NR2E3: variants seen among roughly 807,000 people sequenced by gnomAD.
NR2E3 encodes nuclear receptor subfamily 2 group E member 3.
NR2E3 carries 38 observed loss-of-function variants against 37.6 expected under a neutral mutation model. The ratio of observed to expected loss-of-function variants is 1.01; its 90% confidence interval spans 0.78 to 1.33. The LOEUF (loss-of-function observed/expected upper bound fraction) is 1.33, where lower values mean the gene tolerates loss of function less well. Among genes scored for constraint, NR2E3 ranks in the 40% most tolerant of loss-of-function variants. The pLI, the probability that NR2E3 is intolerant of heterozygous loss-of-function variation, is 0.00. For synonymous variants in NR2E3, 235 were observed against 225.1 expected (o/e 1.04, Z -0.39); for missense variants, 562 against 558.7 (o/e 1.01, Z -0.06).
In NR2E3 at chr15:71,812,353, G is replaced by A; in HGVS notation, c.589G>A (p.Val197Ile). The A allele has an allele frequency of 1.9e-6, 3 of 1,613,796 alleles. 1 individual carries two copies. The South Asian group carries it at 3.3e-5, about 18-fold the overall frequency. Residue 197 changes from valine (V) to isoleucine (I), a missense_variant, in exon 5 of 8, where the codon GTC becomes ATC. Transcript: ENST00000617575. The part of the protein sequence containing the change: ...EPEDADENID[V>I]TSNDPEFPSS... ...TCCAACAGCTGATGAGAATATTGAT[G>A]TCACCAGCAATGACCCTGAGTTCCC...
In NR2E3 at chr15:71,811,885, GC is replaced by G; in HGVS notation, c.349+19del. The G allele has an allele frequency of 6.4e-7, 1 of 1,550,500 alleles. No homozygotes were observed. The highest frequency in any genetic ancestry group is 8.7e-7 in the Non-Finnish European group (1 of 1,146,704). ...AACCAGGACGGTGAGGCGGGGGCTGGCCCGGGGGGAGGTGACAAGAAATGGG... is the reference window on the plus strand; with the variant it reads ...AACCAGGACGGTGAGGCGGGGGCTGGCCGGGGGGAGGTGACAAGAAATGGG... On this transcript the variant is annotated intron_variant, in intron 3 of 7. Coordinates refer to ENST00000617575, the MANE Select transcript of NR2E3 (RefSeq NM_014249.4). This position sits in a 1 kb window ranked among gnomAD's most constrained non-coding sequence, Gnocchi z 5.6.
chr15:71,810,838 G>A lies in NR2E3; in HGVS notation c.95G>A (p.Trp32Ter), dbSNP rs2054172807. Residue 32 changes from tryptophan to a stop codon, truncating the protein, a stop_gained, in exon 1 of 8, where the codon TGG becomes TAG. Transcript: ENST00000617575. LOFTEE classifies it high-confidence loss of function. Reference protein sequence around the residue: ...AASRKESPGRWGLGEDPTGVS... With the variant: ...AASRKESPGR ...TCCAGGAAGGAGTCTCCAGGCAGATGGGGCCTGGGGGAGGATCCCACAGGT... is the reference window on the plus strand; with the variant it reads ...TCCAGGAAGGAGTCTCCAGGCAGATAGGGCCTGGGGGAGGATCCCACAGGT... 1 of 1,564,092 alleles carries A rather than the reference G, an allele frequency of 6.4e-7. No individual in the cohort carries two copies. Among genetic ancestry groups the A allele is most frequent in the Non-Finnish European group, 8.7e-7 (1 of 1,154,426 alleles).
chr15:71,814,016 G>A lies in NR2E3; in HGVS notation c.999G>A (p.Thr333=), dbSNP rs772856819. The A allele has an allele frequency of 3.4e-5, 54 of 1,611,240 alleles. No individual in the cohort carries two copies. Among genetic ancestry groups the A allele is most frequent in the Non-Finnish European group, 4.1e-5 (48 of 1,179,216 alleles). ...MKALVLFKPE[T]RGLKDPEHVE... Reference sequence around the variant, plus strand: ...ACTGGTGCTGCTTCTCCCCAGAGACGCGGGGCCTGAAGGATCCTGAGCACG... The same window carrying A: ...ACTGGTGCTGCTTCTCCCCAGAGACACGGGGCCTGAAGGATCCTGAGCACG... Residue 333 remains threonine, a synonymous_variant, in exon 7 of 8, where the codon ACG becomes ACA. Transcript: ENST00000617575.
At position 71,813,447 on chromosome 15, in the gene NR2E3, C is replaced by G. The variant is rs749027717; in HGVS notation, c.806C>G (p.Ser269Cys). The change falls in exon 6 of 8, where the codon TCT becomes TGT. Residue 269 changes from serine (S) to cysteine (C), a missense_variant. Ser to Cys is a moderately radical substitution (Grantham distance 112). Coordinates refer to ENST00000617575, the MANE Select transcript of NR2E3 (RefSeq NM_014249.4). The surrounding 1 kb of genome is among the most constrained non-coding windows in gnomAD (Gnocchi z 4.7). ...TTTCTCCTCGGGGCCATCCAGTGGT[C>G]TCTGCCTCTGGACAGCTGTCCTCTG... ...ELFLLGAIQW[S>C]LPLDSCPLLA... 1.2e-6 allele frequency: 2 copies of G among 1,610,300 alleles called. No homozygotes were observed. Among genetic ancestry groups the G allele is most frequent in the South Asian group, 2.2e-5 (2 of 90,198 alleles).
At chr15:71,814,832 G>A (rs2054215086) in intron 7 of NR2E3, 12 of 985,680 alleles carry the variant, frequency 1.2e-5, no homozygotes, top group Non-Finnish European at 1.4e-5. Context: ...TGATCTTTGG[G>A]CATGGCCAGG....
chr15:71,815,729 T>C (rs774862781), intron 7 of NR2E3, among the ~76,000 whole-genome samples: 2 of 152,208 alleles, frequency 1.3e-5, no homozygotes, highest in African/African-American at 2.4e-5. Flanking sequence ...CCCCCTGATA[T>C]GCACACAGAC....
Position 71,812,408 on chromosome 15 carries a change from G to A in NR2E3, c.644G>A (p.Cys215Tyr). The A allele has an allele frequency of 6.2e-7, 1 of 1,613,858 alleles. No homozygotes were observed. The highest frequency in any genetic ancestry group is 2.2e-5 in the East Asian group (1 of 44,854). ...TCTCCATACTCCTCTTCCTCCCCCT[G>A]CGGCCTGGACAGCATCCATGAGACC... is the stretch of plus-strand genomic sequence containing the variant. Reference protein sequence around the residue: ...PSSPYSSSSPCGLDSIHETSA... With the variant: ...PSSPYSSSSPYGLDSIHETSA... The change falls in exon 5 of 8, where the codon TGC becomes TAC. Residue 215 changes from cysteine to tyrosine, a missense_variant. By Grantham distance (194) the Cys-to-Tyr change is radical. Transcript: ENST00000617575.
rs1460369902 is a variant in NR2E3 at position 71,818,050 on chromosome 15, T to C, written c.*366T>C. ...AACAGGCAAGACTAATTGACAATAATAGAAGTTGGAATAGTGGTTACTTCT... is the reference window on the plus strand; with the variant it reads ...AACAGGCAAGACTAATTGACAATAACAGAAGTTGGAATAGTGGTTACTTCT... On this transcript the variant is annotated 3_prime_UTR_variant, in exon 8 of 8. Transcript: ENST00000617575. The C allele has an allele frequency of 1.2e-5, 2 of 164,252 alleles. No individual in the cohort carries two copies. Among genetic ancestry groups the C allele is most frequent in the Non-Finnish European group, 2.7e-5 (2 of 74,834 alleles). The allele number at this position is 164,252 out of a possible 1,614,324, so 10.2% of individuals were successfully genotyped here.
At position 71,811,453 on chromosome 15, in the gene NR2E3, C is replaced by T. The variant is rs1263680068; in HGVS notation, c.119-30C>T. ...CAGCCCTGCCCCGGCCCAGCCCTGC[C>T]CTGGCCCAGCCCTGCCCCCTGCCCC... On this transcript the variant is annotated intron_variant, in intron 1 of 7. Transcript: ENST00000617575. The surrounding 1 kb of genome is among the most constrained non-coding windows in gnomAD (Gnocchi z 5.6). 3 of 1,492,826 alleles carry T rather than the reference C, an allele frequency of 2.0e-6. No individual in the cohort carries two copies. The highest frequency in any genetic ancestry group is 4.1e-5 in the Admixed American group (2 of 49,128). The allele number at this position is 1,492,826 out of a possible 1,614,324, so 92.5% of individuals were successfully genotyped here. A position where few individuals can be genotyped will look rare whatever the true frequency, so the allele number is the denominator to read the frequency against.
At chr15:71,815,911 A>T (rs1028889978) in intron 7 of NR2E3, among the ~76,000 whole-genome samples, 2 of 152,198 alleles carry the variant, frequency 1.3e-5, no homozygotes, top group African/African-American at 4.8e-5. Flanking sequence ...CTGACTTTAT[A>T]GTTATTTCTT....
chr15:71,811,878 G>A lies in NR2E3; in HGVS notation c.349+9G>A. On this transcript the variant is annotated intron_variant, in intron 3 of 7. Coordinates refer to ENST00000617575, the MANE Select transcript of NR2E3 (RefSeq NM_014249.4). This position sits in a 1 kb window ranked among gnomAD's most constrained non-coding sequence, Gnocchi z 5.6. ...GGGGATGAACCAGGACGGTGAGGCG[G>A]GGGCTGGCCCGGGGGGAGGTGACAA... The A allele has an allele frequency of 6.4e-7, 1 of 1,550,870 alleles. No homozygotes were observed. The highest frequency in any genetic ancestry group is 8.7e-7 in the Non-Finnish European group (1 of 1,146,834).
At chr15:71,814,868 T>A in intron 7 of NR2E3, 1 of 985,230 alleles carries the variant, frequency 1.0e-6, no homozygotes, top group Non-Finnish European at 1.2e-6. Context: ...ACTCTAGGAG[T>A]TGAAATGGGT....
In NR2E3 at chr15:71,811,369, A is replaced by C. The variant is rs2054177080; in HGVS notation, c.119-114A>C. ...AAGAGTCACGCGTGGGTTCGTTCAAATGCGGGTGAGCGGGGCCTGAGGACT... is the reference window on the plus strand; with the variant it reads ...AAGAGTCACGCGTGGGTTCGTTCAACTGCGGGTGAGCGGGGCCTGAGGACT... On this transcript the variant is annotated intron_variant, in intron 1 of 7. Transcript: ENST00000617575. The surrounding 1 kb of genome is among the most constrained non-coding windows in gnomAD (Gnocchi z 5.6). The C allele has an allele frequency of 2.0e-6, 2 of 976,662 alleles. No homozygotes were observed. Among genetic ancestry groups the C allele is most frequent in the African/African-American group, 3.2e-5 (2 of 61,764 alleles). The allele number at this position is 976,662 out of a possible 1,614,324, so 60.5% of individuals were successfully genotyped here.
chr15:71,815,472 A>G (rs992880544), intron 7 of NR2E3, among the ~76,000 whole-genome samples: 1 of 152,234 alleles, frequency 6.6e-6, no homozygotes, highest in African/African-American at 2.4e-5. Context: ...ATTCAGAGAC[A>G]TTCAGAAACC....
In NR2E3 at chr15:71,812,068, C is replaced by CA; in HGVS notation, c.463_464insA (p.Arg155GlnfsTer27). 1 of 1,552,928 alleles carries CA rather than the reference C, an allele frequency of 6.4e-7. No individual in the cohort carries two copies. The highest frequency in any genetic ancestry group is 1.2e-5 in the South Asian group (1 of 84,190). On this transcript the variant is annotated frameshift_variant, in exon 4 of 8. Transcript: ENST00000617575. LOFTEE classifies it high-confidence loss of function. ...GGTGGCTCCCCCGGCCCCGGCAGGG[C>CA]GCAGCCCACGGGGCCCCACACCCAT...
chr15:71,817,425 C>T (rs1281526352), intron 7 of NR2E3, 127 bp from the exon 8 acceptor site: 1 of 1,290,836 alleles, frequency 7.7e-7, no homozygotes, highest in Non-Finnish European at 1.0e-6. Flanking sequence ...CGAAATTCCT[C>T]CTGACCCACT....
In NR2E3 at chr15:71,817,538, T is replaced by G. The variant is rs1287300932; in HGVS notation, c.1101-14T>G. 6.3e-7 allele frequency: 1 copy of G among 1,576,990 alleles called. No homozygotes were observed. The highest frequency in any genetic ancestry group is 1.7e-5 in the Admixed American group (1 of 59,592). On this transcript the variant is annotated splice_polypyrimidine_tract_variant and intron_variant, in intron 7 of 7. Coordinates refer to ENST00000617575, the MANE Select transcript of NR2E3 (RefSeq NM_014249.4). ...GCTGGTCGTAAAACTGATGGCGTCC[T>G]CTCTCCTGTTCAGGTTTGGGAAATT...
Position 71,811,381 on chromosome 15 carries a change from G to C in NR2E3, c.119-102G>C. 9.1e-7 allele frequency: 1 copy of C among 1,102,578 alleles called. No individual in the cohort carries two copies. Among genetic ancestry groups the C allele is most frequent in the Non-Finnish European group, 1.3e-6 (1 of 770,144 alleles). The allele number at this position is 1,102,578 out of a possible 1,614,324, so 68.3% of individuals were successfully genotyped here. ...TGGGTTCGTTCAAATGCGGGTGAGC[G>C]GGGCCTGAGGACTGGGAAAGGGACC... is the stretch of plus-strand genomic sequence containing the variant. On this transcript the variant is annotated intron_variant, in intron 1 of 7. Coordinates refer to ENST00000617575, the MANE Select transcript of NR2E3 (RefSeq NM_014249.4). This position sits in a 1 kb window ranked among gnomAD's most constrained non-coding sequence, Gnocchi z 5.6.
rs752883545 is a variant in NR2E3 at position 71,814,024 on chromosome 15, T to C, written c.1007T>C (p.Leu336Pro). The change falls in exon 7 of 8, where the codon CTG (leucine) becomes CCG (proline). Residue 336 changes from leucine to proline, a missense_variant. Leu to Pro is a moderately conservative substitution (Grantham distance 98). Transcript: ENST00000617575. ...TGCTTCTCCCCAGAGACGCGGGGCCTGAAGGATCCTGAGCACGTAGAGGCC... is the reference window on the plus strand; with the variant it reads ...TGCTTCTCCCCAGAGACGCGGGGCCCGAAGGATCCTGAGCACGTAGAGGCC... ...LVLFKPETRGLKDPEHVEALQ... is the reference protein window; with the variant it reads ...LVLFKPETRGPKDPEHVEALQ... 5 of 1,611,956 alleles carry C rather than the reference T, an allele frequency of 3.1e-6. No individual in the cohort carries two copies. The highest frequency in any genetic ancestry group is 4.2e-6 in the Non-Finnish European group (5 of 1,179,452).
Sources: allele counts gnomAD v4.1 joint callset (sites outside exome capture counted in the v4.1 genomes callset), GRCh38; gene constraint gnomAD v4.1.1; non-coding constraint Gnocchi (gnomAD v3.1); transcripts MANE v1.5; gene names NCBI Gene and HGNC (gene_info 2026-07-23, HGNC 2026-07-21).